CNNM2: variants seen among roughly 807,000 people sequenced by gnomAD.
CNNM2 encodes metal transporter CNNM2.
Under a neutral mutation model 66.9 loss-of-function variants are expected in CNNM2, and 12 were observed. That is an observed-to-expected ratio of 0.18 (90% CI 0.11 to 0.29). The LOEUF (loss-of-function observed/expected upper bound fraction) is 0.29, where lower values mean the gene tolerates loss of function less well. Ranked by LOEUF, CNNM2 falls within the 10% of genes least tolerant of loss-of-function variation. CNNM2 has a pLI of 1.00. For missense variants in CNNM2, 705 were observed against 1,167.7 expected (o/e 0.60, Z 5.77); for synonymous variants, 557 against 501.8 (o/e 1.11, Z -1.47).
intron 1 of CNNM2, among the ~76,000 whole-genome samples, chr10:102,991,771 CA>C (rs2063902627): frequency 6.6e-6 from 1 of 152,162 alleles, no homozygotes; most frequent in Non-Finnish European, 1.5e-5. Flanking sequence ...AAGGAATTTG[CA>C]ATTACCTGAG....
At chr10:102,995,749 G>A (rs1003197954) in intron 1 of CNNM2, among the ~76,000 whole-genome samples, 28 of 151,500 alleles carry the variant, frequency 1.8e-4, no homozygotes, top group African/African-American at 5.1e-4. Flanking sequence ...TTTTTGAGAT[G>A]GAGTTTCACT....
At chr10:102,961,748 G>C (rs2063383049) in intron 1 of CNNM2, among the ~76,000 whole-genome samples, 1 of 152,176 alleles carries the variant, frequency 6.6e-6, no homozygotes, top group East Asian at 1.9e-4. Context: ...CTTAGAACCA[G>C]CTGAAAATTT....
intron 1 of CNNM2, among the ~76,000 whole-genome samples, chr10:102,935,753 G>A (rs1383588216): frequency 6.8e-6 from 1 of 147,056 alleles, no homozygotes; most frequent in Non-Finnish European, 1.5e-5. Context: ...TGTGATCACA[G>A]GCACACTCCA....
chr10:102,951,053 T>C (rs1363578541), intron 1 of CNNM2, among the ~76,000 whole-genome samples: 2 of 149,168 alleles, frequency 1.3e-5, no homozygotes, highest in African/African-American at 4.9e-5. Flanking sequence ...AGTGGTGTGA[T>C]CTCAGCTCAC....
chr10:102,976,226 T>A lies in CNNM2; in HGVS notation c.1621+56125T>A, dbSNP rs2063626761. On this transcript the variant is annotated intron_variant, in intron 1 of 7. Transcript: ENST00000369878. The stretch of plus-strand genomic sequence containing the variant: ...CAAAATCTTTGGAGGGAGAGTGGAA[T>A]TTAGAAGAGAAAGCAAAGTGAATAA... Among the ~76,000 whole-genome samples, 4 of 152,100 alleles carry A rather than the reference T, an allele frequency of 2.6e-5. No homozygotes were observed. In the South Asian group the frequency reaches 6.2e-4, roughly 24 times the overall value.
chr10:102,976,339 T>G (rs1483104743), intron 1 of CNNM2, among the ~76,000 whole-genome samples: 11 of 151,822 alleles, frequency 7.2e-5, no homozygotes, highest in Non-Finnish European at 8.8e-5. Flanking sequence ...TGTTTCAGGG[T>G]TCTCTGAACC....
chr10:103,018,806 G>A (rs573049165), intron 1 of CNNM2, among the ~76,000 whole-genome samples: 2 of 147,640 alleles, frequency 1.4e-5, no homozygotes, highest in Admixed American at 1.4e-4. Flanking sequence ...TTACAGGCAT[G>A]AGCCACCACG....
chr10:103,023,693 T>C (rs977756542), intron 1 of CNNM2, among the ~76,000 whole-genome samples: 5 of 152,172 alleles, frequency 3.3e-5, no homozygotes, highest in African/African-American at 7.2e-5. Flanking sequence ...ACAAGAGATT[T>C]GGAGGGGACA....
rs10624810 is a variant in CNNM2, at chr10:102,925,296, C to CAAAAAAAAAAAA, written c.1621+5214_1621+5225dup. Among the ~76,000 whole-genome samples, 14 of 17,758 alleles carry CAAAAAAAAAAAA rather than the reference C, an allele frequency of 7.9e-4. 2 individuals carry two copies. The East Asian group carries it at 0.011, about 14-fold the overall frequency. The allele number at this position is 17,758 out of a possible 152,430, so 11.6% of individuals were successfully genotyped here. A position where few individuals can be genotyped will look rare whatever the true frequency, so the allele number is the denominator to read the frequency against. On this transcript the variant is annotated intron_variant, in intron 1 of 7. Coordinates refer to ENST00000369878, the MANE Select transcript of CNNM2 (RefSeq NM_017649.5). ...GGGCAACAAGAGCGAAACTCCATCT[C>CAAAAAAAAAAAA]AAAAAAAAAAAAAAAAAAAAAAAAA...
intron 4 of CNNM2, among the ~76,000 whole-genome samples, chr10:103,067,652 G>A (rs1299451473): frequency 6.6e-6 from 1 of 152,110 alleles, no homozygotes; most frequent in Non-Finnish European, 1.5e-5. Context: ...CATTTCAGTA[G>A]CCCAGAAAAC....
At chr10:103,028,926 G>A (rs1227695567) in intron 1 of CNNM2, among the ~76,000 whole-genome samples, 2 of 145,050 alleles carry the variant, frequency 1.4e-5, no homozygotes, top group African/African-American at 5.1e-5. Flanking sequence ...AGGTTCAATC[G>A]ATTGTCATGT....
chr10:103,057,279 G>A (rs924800667), intron 4 of CNNM2, among the ~76,000 whole-genome samples: 10 of 151,984 alleles, frequency 6.6e-5, no homozygotes, highest in African/African-American at 2.2e-4. Flanking sequence ...ACCAGCCTGG[G>A]CAACATGGCG....
chr10:102,968,317 G>A (rs2134212241), intron 1 of CNNM2, among the ~76,000 whole-genome samples: 1 of 152,198 alleles, frequency 6.6e-6, no homozygotes, highest in South Asian at 2.1e-4. Flanking sequence ...CGCAATCTCG[G>A]CTGACTGTAA....
At chr10:102,990,770 T>G (rs568103398) in intron 1 of CNNM2, among the ~76,000 whole-genome samples, 1 of 152,268 alleles carries the variant, frequency 6.6e-6, no homozygotes, top group East Asian at 1.9e-4. Flanking sequence ...TTCTTTGAGG[T>G]GTGAGAGAAG....
At position 102,988,768 on chromosome 10, in the gene CNNM2, A is replaced by T. The variant is rs373072369; in HGVS notation, c.1622-60939A>T. Among the ~76,000 whole-genome samples, 10 of 152,218 alleles carry T rather than the reference A, an allele frequency of 6.6e-5. No individual in the cohort carries two copies. The East Asian group carries it at 1.5e-3, about 24-fold the overall frequency. ...TGAGAAAAGCAGCTATTTCATCCAC[A>T]ATTAGAGAATATTCTTGAGTCCAGC... On this transcript the variant is annotated intron_variant, in intron 1 of 7. Transcript: ENST00000369878.
At chr10:102,973,272 A>G (rs2063573234) in intron 1 of CNNM2, among the ~76,000 whole-genome samples, 1 of 151,460 alleles carries the variant, frequency 6.6e-6, no homozygotes, top group Non-Finnish European at 1.5e-5. Context: ...AATCACTGCT[A>G]TATGCAATAA....
chr10:102,997,473 A>G (rs1184113208), intron 1 of CNNM2, among the ~76,000 whole-genome samples: 1 of 152,168 alleles, frequency 6.6e-6, no homozygotes, highest in African/African-American at 2.4e-5. Context: ...GATATTGAAT[A>G]TGTATAAAAG....
At chr10:103,005,952 C>T (rs2064218475) in intron 1 of CNNM2, among the ~76,000 whole-genome samples, 1 of 151,512 alleles carries the variant, frequency 6.6e-6, no homozygotes, top group East Asian at 2.0e-4. Flanking sequence ...TGGTCTCAAA[C>T]CCCTGGGCTC....
At position 103,056,886 on chromosome 10, in the gene CNNM2, T is replaced by C. The variant is rs546865938; in HGVS notation, c.1995T>C (p.Asp665=). 3 of 1,613,918 alleles carry C rather than the reference T, an allele frequency of 1.9e-6. No homozygotes were observed. In the African/African-American group the frequency reaches 4.0e-5, roughly 22 times the overall value. The change falls in exon 4 of 8, where the codon GAT becomes GAC. Residue 665 remains aspartate (D), a synonymous_variant. Coordinates refer to ENST00000369878, the MANE Select transcript of CNNM2 (RefSeq NM_017649.5). ...ATGTCATCCAGGAACTGAAATATGA[T>C]GAGAAGAACAAGAAAGCCCCCGAAT... The part of the protein sequence containing the change: ...HPNVIQELKY[D]EKNKKAPEYY...
Sources: gnomAD v4.1 joint callset for allele counts (sites outside exome capture counted in the v4.1 genomes callset) on GRCh38, gnomAD v4.1.1 for gene constraint, MANE v1.5 for transcripts, NCBI Gene and HGNC (gene_info 2026-07-23, HGNC 2026-07-21) for gene names.